Variants in MAML3 observed in about 807,000 individuals in gnomAD.
The protein encoded by MAML3 is mastermind-like protein 3.
A neutral mutation model predicts 101.9 loss-of-function variants in MAML3; 27 were observed. The ratio of observed to expected loss-of-function variants is 0.27; its 90% CI spans 0.20 to 0.37. The LOEUF is 0.37. Among genes scored for constraint, MAML3 ranks in the 10% least tolerant of loss-of-function variants. MAML3 has a pLI of 1.00. For synonymous variants in MAML3, 501 were observed against 555.9 expected, an observed-to-expected ratio of 0.90 and a Z score of 1.39; for missense variants, 1,316 against 1,444.9, an observed-to-expected ratio of 0.91 and a Z score of 1.45.
Position 140,081,847 on chromosome 4 carries a change from T to G in MAML3, c.468+71013A>C, listed in dbSNP as rs769741165. Among the ~76,000 whole-genome samples the G allele has an allele frequency of 2.0e-5, 3 of 152,200 alleles. No homozygotes were observed. The South Asian group carries it at 6.2e-4, about 31-fold the overall frequency. ...ACTGTGGAATGTAGCTGGAGTTGTT[T>G]ATGCTTCTTTCTTTTTCTATTAGGT... On this transcript the variant is annotated intron_variant, in intron 1 of 4. Transcript: ENST00000509479.
At chr4:140,138,183 C>T (rs766817736) in intron 1 of MAML3, among the ~76,000 whole-genome samples, 3 of 152,242 alleles carry the variant, frequency 2.0e-5, no homozygotes, top group Non-Finnish European at 2.9e-5. Context: ...GGGATCCAGA[C>T]ATATTCCACT....
At chr4:140,013,392 T>G (rs562708723) in intron 1 of MAML3, among the ~76,000 whole-genome samples, 1 of 152,266 alleles carries the variant, frequency 6.6e-6, no homozygotes, top group East Asian at 1.9e-4. Context: ...AAGATGCAAG[T>G]GATTTTCTAC....
intron 2 of MAML3, among the ~76,000 whole-genome samples, chr4:139,863,718 ACACT>A (rs1406739384): frequency 1.3e-5 from 2 of 152,198 alleles, no homozygotes; most frequent in African/African-American, 4.8e-5. Flanking sequence ...GATTGCTCAA[ACACT>A]CAGAACATAA....
chr4:140,147,826 T>C (rs960460248), intron 1 of MAML3, among the ~76,000 whole-genome samples: 22 of 152,292 alleles, frequency 1.4e-4, no homozygotes, highest in African/African-American at 5.1e-4. Context: ...TTCAAATATA[T>C]CCAAGAATTA....
chr4:139,870,262 G>A (rs1731982775), intron 2 of MAML3, among the ~76,000 whole-genome samples: 1 of 152,098 alleles, frequency 6.6e-6, no homozygotes, highest in Admixed American at 6.5e-5. Context: ...TTACCCACTA[G>A]GTGCCAGTAG....
At chr4:139,750,464 C>T (rs981439823) in intron 2 of MAML3, among the ~76,000 whole-genome samples, 2 of 152,188 alleles carry the variant, frequency 1.3e-5, no homozygotes, top group Non-Finnish European at 2.9e-5. Flanking sequence ...GCCTTTGGTG[C>T]AGTTTTGGGC....
At chr4:140,002,890 T>C (rs1726346906) in intron 1 of MAML3, among the ~76,000 whole-genome samples, 1 of 152,214 alleles carries the variant, frequency 6.6e-6, no homozygotes, top group Non-Finnish European at 1.5e-5. Flanking sequence ...GGACCTACTT[T>C]ACCAGCAGCA....
At chr4:140,052,073 T>A (rs1343157194) in intron 1 of MAML3, among the ~76,000 whole-genome samples, 1 of 152,172 alleles carries the variant, frequency 6.6e-6, no homozygotes, top group South Asian at 2.1e-4. Context: ...TATCAGTTGC[T>A]TTCATGAAAT....
At chr4:139,818,152 C>T (rs1050342535) in intron 2 of MAML3, among the ~76,000 whole-genome samples, 2 of 152,178 alleles carry the variant, frequency 1.3e-5, no homozygotes, top group Non-Finnish European at 2.9e-5. Context: ...TAGAACCACG[C>T]TTGGAGAATC....
At chr4:139,803,633 C>G (rs757557383) in intron 2 of MAML3, among the ~76,000 whole-genome samples, 13 of 152,152 alleles carry the variant, frequency 8.5e-5, no homozygotes, top group Non-Finnish European at 1.9e-4. Context: ...ACTAATACTG[C>G]CACATACCCC....
Position 139,725,663 on chromosome 4 carries a change from C to A in MAML3, c.2416+88G>T, listed in dbSNP as rs114054897. The A allele has an allele frequency of 8.0e-4, 1,006 of 1,261,596 alleles. 3 individuals are homozygous for A. The African/African-American group carries it at 0.013, about 16-fold the overall frequency. The allele number at this position is 1,261,596 out of a possible 1,614,324, so 78.2% of individuals were successfully genotyped here. On this transcript the variant is annotated intron_variant, in intron 4 of 4. Coordinates refer to ENST00000509479, the MANE Select transcript of MAML3 (RefSeq NM_018717.5). ...TTTGAGTATTTCCTGGACACAAATACAGCCAGTAAGGCAATGCCTCTGGCT... is the reference window on the plus strand; with the variant it reads ...TTTGAGTATTTCCTGGACACAAATAAAGCCAGTAAGGCAATGCCTCTGGCT...
At chr4:140,015,850 G>A (rs892075848) in intron 1 of MAML3, among the ~76,000 whole-genome samples, 2 of 152,196 alleles carry the variant, frequency 1.3e-5, no homozygotes, top group African/African-American at 4.8e-5. Context: ...GTACTCAGGA[G>A]GCTGAGGCAT....
intron 1 of MAML3, among the ~76,000 whole-genome samples, chr4:140,149,253 G>A (rs978227273): frequency 6.6e-6 from 1 of 152,168 alleles, no homozygotes; most frequent in African/African-American, 2.4e-5. Flanking sequence ...GGTGGTGGTT[G>A]GGATGGGATC....
intron 1 of MAML3, among the ~76,000 whole-genome samples, chr4:139,920,056 T>C (rs1236604518): frequency 3.9e-5 from 6 of 152,256 alleles, no homozygotes; most frequent in Admixed American, 3.9e-4. Context: ...CTAAATAAAC[T>C]TGGTTGCGAT....
chr4:139,733,143 T>C (rs1560774547), intron 2 of MAML3, among the ~76,000 whole-genome samples: 1 of 152,238 alleles, frequency 6.6e-6, no homozygotes, highest in African/African-American at 2.4e-5. Context: ...TGATTGGCTT[T>C]ACACTTTAAC....
In MAML3 at chr4:139,866,310, C is replaced by G. The variant is rs572584090; in HGVS notation, c.2079+23047G>C. 2.0e-5 allele frequency among the ~76,000 whole-genome samples: 3 copies of G among 152,334 alleles called. No homozygotes were observed. The East Asian group carries it at 5.8e-4, about 29-fold the overall frequency. ...ATGTTAGGGAGGGACACGCTTGTCTCTCCTCACCCAGCGATTTTCCTGCAG... is the reference window on the plus strand; with the variant it reads ...ATGTTAGGGAGGGACACGCTTGTCTGTCCTCACCCAGCGATTTTCCTGCAG... On this transcript the variant is annotated intron_variant, in intron 2 of 4. Transcript: ENST00000509479.
At chr4:139,791,873 G>T (rs970975103) in intron 2 of MAML3, among the ~76,000 whole-genome samples, 1 of 152,136 alleles carries the variant, frequency 6.6e-6, no homozygotes, top group Non-Finnish European at 1.5e-5. Context: ...CCCCAGCATT[G>T]TTATTATAGA....
intron 1 of MAML3, among the ~76,000 whole-genome samples, chr4:139,907,158 G>C (rs529125901): frequency 3.9e-5 from 6 of 152,298 alleles, no homozygotes; most frequent in African/African-American, 1.4e-4. Flanking sequence ...TCAGGAACTT[G>C]AAAAGCAAAA....
chr4:139,830,410 A>ATTTTTTTTTTTTTTTT (rs1157293904), intron 2 of MAML3, among the ~76,000 whole-genome samples: 1 of 121,304 alleles, frequency 8.2e-6, no homozygotes, highest in African/African-American at 3.9e-5. Context: ...ACGCTGTGCT[A>ATTTTTTTTTTTTTTTT]TTTTTTTTTT....
Sources: allele counts gnomAD v4.1 joint callset (sites outside exome capture counted in the v4.1 genomes callset), GRCh38; gene constraint gnomAD v4.1.1; transcripts MANE v1.5; gene names NCBI Gene and HGNC (gene_info 2026-07-23, HGNC 2026-07-21).